Variants in TMEM135 observed in about 807,000 individuals in gnomAD.
The protein encoded by TMEM135 is transmembrane protein 135.
Under a neutral mutation model 60.3 loss-of-function variants are expected in TMEM135, and 30 were observed. The ratio of observed to expected loss-of-function variants is 0.50; its 90% confidence interval spans 0.37 to 0.68. The LOEUF (loss-of-function observed/expected upper bound fraction) is 0.68. TMEM135 is among the 30% of genes least tolerant of loss of function. The probability of loss-of-function intolerance (pLI) is 0.00; values close to 1 mark genes in which losing one functional copy is unlikely to be tolerated. For synonymous variants in TMEM135, 190 were observed against 186.7 expected (o/e 1.02, Z -0.14); for missense variants, 468 against 548.8 (o/e 0.85, Z 1.47).
At chr11:87,260,598 G>C (rs549695185) in intron 6 of TMEM135, among the ~76,000 whole-genome samples, 2 of 152,116 alleles carry the variant, frequency 1.3e-5, no homozygotes, top group East Asian at 3.9e-4. Flanking sequence ...AACAAAAACT[G>C]TGTGAGTAAA....
chr11:87,118,178 A>G (rs1046359242), intron 4 of TMEM135, among the ~76,000 whole-genome samples: 2 of 152,182 alleles, frequency 1.3e-5, no homozygotes, highest in Non-Finnish European at 2.9e-5. Flanking sequence ...TTTATGGAAC[A>G]TGGGCAGAGT....
chr11:87,217,580 G>T (rs1940528938), intron 5 of TMEM135, among the ~76,000 whole-genome samples: 1 of 152,138 alleles, frequency 6.6e-6, no homozygotes, highest in Admixed American at 6.5e-5. Flanking sequence ...GAGGATGGGA[G>T]TTCAAGATCA....
In TMEM135 at chr11:87,060,972, A is replaced by G. The variant is rs560075875; in HGVS notation, c.142-6722A>G. On this transcript the variant is annotated intron_variant, in intron 1 of 14. Transcript: ENST00000305494. Reference sequence around the variant, plus strand: ...TTTTTCTTATCTCTAAAATGGTGATAATAAAATCATGCCCATTAAAATCAT... The same window carrying G: ...TTTTTCTTATCTCTAAAATGGTGATGATAAAATCATGCCCATTAAAATCAT... Among the ~76,000 whole-genome samples, 19 of 152,248 alleles carry G rather than the reference A, an allele frequency of 1.2e-4. No homozygotes were observed. The South Asian group carries it at 2.7e-3, about 22-fold the overall frequency.
At chr11:87,283,813 G>A (rs577627119) in intron 6 of TMEM135, among the ~76,000 whole-genome samples, 4 of 152,272 alleles carry the variant, frequency 2.6e-5, no homozygotes, top group Non-Finnish European at 4.4e-5. Flanking sequence ...AGCCGAGATC[G>A]CGTCATTGCA....
chr11:87,248,854 A>C (rs1346008982), intron 6 of TMEM135, among the ~76,000 whole-genome samples: 5 of 152,002 alleles, frequency 3.3e-5, no homozygotes, highest in Non-Finnish European at 1.5e-5. Flanking sequence ...CTAGGTATTT[A>C]ATTGTATTTG....
chr11:87,116,008 A>G (rs1402296506), intron 4 of TMEM135, among the ~76,000 whole-genome samples: 1 of 152,118 alleles, frequency 6.6e-6, no homozygotes, highest in African/African-American at 2.4e-5. Flanking sequence ...AATTTTAGTT[A>G]CATTACCAAA....
chr11:87,190,748 T>C (rs1712007536), intron 5 of TMEM135, among the ~76,000 whole-genome samples: 1 of 152,220 alleles, frequency 6.6e-6, no homozygotes, highest in African/African-American at 2.4e-5. Flanking sequence ...TGACTTTCTA[T>C]TGTGGTCTAG....
chr11:87,137,365 C>A (rs1002881160), intron 4 of TMEM135, among the ~76,000 whole-genome samples: 18 of 151,650 alleles, frequency 1.2e-4, no homozygotes, highest in African/African-American at 4.4e-4. Context: ...TAAATGAAAT[C>A]AGCTTTTTGT....
intron 2 of TMEM135, among the ~76,000 whole-genome samples, chr11:87,068,671 C>T (rs889411492): frequency 3.3e-5 from 5 of 151,716 alleles, no homozygotes; most frequent in Non-Finnish European, 7.4e-5. Flanking sequence ...ATTAGCCGGG[C>T]GTGGTGGTGG....
chr11:87,165,635 C>A (rs1939014930), intron 5 of TMEM135, among the ~76,000 whole-genome samples: 1 of 150,980 alleles, frequency 6.6e-6, no homozygotes, highest in Non-Finnish European at 1.5e-5. Flanking sequence ...CTCCTTGTAC[C>A]TCTGGTAGAA....
chr11:87,319,026 G>A (rs996775686), intron 13 of TMEM135: 6 of 322,112 alleles, frequency 1.9e-5, no homozygotes, highest in Middle Eastern at 1.0e-3. Context: ...GCACCACCAC[G>A]CCTGGCTAAT....
rs1554988336 is a variant in TMEM135 at position 87,316,285 on chromosome 11, T to TGTGA, written c.1077+1739_1077+1740insTGAG. 8.7e-4 allele frequency among the ~76,000 whole-genome samples: 130 copies of TGTGA among 149,344 alleles called. 2 individuals are homozygous for TGTGA. In the East Asian group the frequency reaches 0.019, roughly 21 times the overall value. ...AAATATATGTGTGTGTGTGTGTGTG[T>TGTGA]GAGAGAGAGAGAGAGAGAGACAGAG... On this transcript the variant is annotated intron_variant, in intron 12 of 14. Transcript: ENST00000305494.
intron 4 of TMEM135, among the ~76,000 whole-genome samples, chr11:87,145,761 T>G (rs537280670): frequency 3.3e-5 from 5 of 152,132 alleles, no homozygotes; most frequent in Non-Finnish European, 5.9e-5. Context: ...CACTTATCCA[T>G]TTTTTTCAAT....
chr11:87,229,078 C>A (rs2135365246), intron 5 of TMEM135, among the ~76,000 whole-genome samples: 1 of 152,226 alleles, frequency 6.6e-6, no homozygotes, highest in East Asian at 1.9e-4. Flanking sequence ...TATTTTCCAG[C>A]TGAATGAACT....
intron 6 of TMEM135, among the ~76,000 whole-genome samples, chr11:87,251,064 T>A (rs1322280888): frequency 6.6e-6 from 1 of 151,988 alleles, no homozygotes; most frequent in Non-Finnish European, 1.5e-5. Context: ...ATAGGAAAAA[T>A]GTGTGAAAAT....
At chr11:87,109,252 A>G (rs1469600593) in intron 4 of TMEM135, among the ~76,000 whole-genome samples, 1 of 152,228 alleles carries the variant, frequency 6.6e-6, no homozygotes, top group Non-Finnish European at 1.5e-5. Context: ...AAAGACCTCC[A>G]GTAGATGCCT....
intron 4 of TMEM135, among the ~76,000 whole-genome samples, chr11:87,101,920 CTGAG>C (rs1857466594): frequency 1.3e-5 from 2 of 152,164 alleles, no homozygotes; most frequent in Non-Finnish European, 2.9e-5. Context: ...TTGCATTAAG[CTGAG>C]ATCACGCCAT....
At chr11:87,067,340 T>C (rs1236364530) in intron 1 of TMEM135, among the ~76,000 whole-genome samples, 1 of 151,674 alleles carries the variant, frequency 6.6e-6, no homozygotes, top group Non-Finnish European at 1.5e-5. Context: ...ATCTGTAATA[T>C]AGTTTTATTA....
intron 5 of TMEM135, among the ~76,000 whole-genome samples, chr11:87,222,181 CAAAAA>C (rs386374401): frequency 1.8e-5 from 1 of 55,482 alleles, no homozygotes; most frequent in Non-Finnish European, 3.4e-5. Flanking sequence ...GACTCTGTCT[CAAAAA>C]AAAAAAAAAA....
Sources: gnomAD v4.1 joint callset for allele counts (sites outside exome capture counted in the v4.1 genomes callset) on GRCh38, gnomAD v4.1.1 for gene constraint, MANE v1.5 for transcripts, NCBI Gene and HGNC (gene_info 2026-07-23, HGNC 2026-07-21) for gene names.